The following RYR2 variants were observed in gnomAD, a reference collection of about 807,000 sequenced individuals.
RYR2 encodes cardiac muscle ryanodine receptor-calcium release channel.
A neutral mutation model predicts 601.1 loss-of-function variants in RYR2; 227 were observed. The observed-to-expected ratio is 0.38, with a 90% CI of 0.34 to 0.42. The LOEUF (loss-of-function observed/expected upper bound fraction) is 0.42. RYR2 is among the 10% of genes least tolerant of loss of function. The pLI, the probability that RYR2 is intolerant of heterozygous loss-of-function variation, is 1.00. For synonymous variants in RYR2, 2,223 were observed against 2,175.1 expected (o/e 1.02, Z -0.61); for missense variants, 4,646 against 6,156.5 (o/e 0.75, Z 8.21).
At position 237,435,654 on chromosome 1, in the gene RYR2, T is replaced by C. The variant is rs1217501582; in HGVS notation, c.1006-5665T>C. On this transcript the variant is annotated intron_variant, in intron 12 of 104. Transcript: ENST00000366574. Reference sequence around the variant, plus strand: ...AACGAGAATGAACCCATTGAAGCCTTCTGTGATTAACATATCATAATTTGA... The same window carrying C: ...AACGAGAATGAACCCATTGAAGCCTCCTGTGATTAACATATCATAATTTGA... Among the ~76,000 whole-genome samples the C allele has an allele frequency of 2.0e-5, 3 of 152,340 alleles. No homozygotes were observed. In the South Asian group the frequency reaches 6.2e-4, roughly 32 times the overall value.
intron 48 of RYR2, among the ~76,000 whole-genome samples, chr1:237,648,020 T>G (rs573694808): frequency 4.4e-4 from 67 of 152,336 alleles, no homozygotes; most frequent in African/African-American, 1.5e-3. Flanking sequence ...GACGTGAAAA[T>G]GTAAATATAC....
intron 1 of RYR2, among the ~76,000 whole-genome samples, chr1:237,259,491 G>T (rs1457785012): frequency 6.7e-6 from 1 of 149,348 alleles, no homozygotes; most frequent in African/African-American, 2.5e-5. Flanking sequence ...GGGCAACAGA[G>T]TGAGACTCCA....
At chr1:237,522,607 C>T (rs1482542826) in intron 24 of RYR2, among the ~76,000 whole-genome samples, 2 of 152,206 alleles carry the variant, frequency 1.3e-5, no homozygotes, top group Admixed American at 1.3e-4. Flanking sequence ...GCAGGCATCT[C>T]ACTTGATTTT....
At chr1:237,452,374 TGTAAA>T (rs1198665958) in intron 14 of RYR2, among the ~76,000 whole-genome samples, 1 of 146,502 alleles carries the variant, frequency 6.8e-6, no homozygotes, top group Non-Finnish European at 1.5e-5. Context: ...ACATTATATA[TGTAAA>T]GTATATATTA....
chr1:237,484,069 G>A (rs911306653), intron 17 of RYR2, among the ~76,000 whole-genome samples: 7 of 152,086 alleles, frequency 4.6e-5, no homozygotes, highest in East Asian at 1.9e-4. Flanking sequence ...GCACTCAGCC[G>A]GAGTCTTCCT....
chr1:237,793,301 A>G (rs891902805), intron 94 of RYR2, among the ~76,000 whole-genome samples: 1 of 152,218 alleles, frequency 6.6e-6, no homozygotes, highest in African/African-American at 2.4e-5. Flanking sequence ...TGCCTTGTGT[A>G]AAGTCTGTCC....
At chr1:237,161,229 A>G in intron 1 of RYR2, among the ~76,000 whole-genome samples, 1 of 152,194 alleles carries the variant, frequency 6.6e-6, no homozygotes, top group South Asian at 2.1e-4. Flanking sequence ...ACTTCTTACA[A>G]CAAACAGGAT....
At chr1:237,442,926 C>T (rs6702161) in intron 13 of RYR2, among the ~76,000 whole-genome samples, 6,187 of 152,214 alleles carry the variant, frequency 0.041, 293 homozygotes, top group African/African-American at 0.12. Flanking sequence ...ATTTTAAAAA[C>T]GCACACTTAA....
intron 80 of RYR2, among the ~76,000 whole-genome samples, chr1:237,747,531 G>A (rs1163765635): frequency 2.0e-5 from 3 of 152,092 alleles, no homozygotes; most frequent in Non-Finnish European, 4.4e-5. Flanking sequence ...ATGTTTTAAG[G>A]ATTAATATTA....
At chr1:237,549,935 T>A (rs1670212454) in intron 26 of RYR2, among the ~76,000 whole-genome samples, 6 of 152,324 alleles carry the variant, frequency 3.9e-5, no homozygotes, top group Middle Eastern at 6.8e-3. Context: ...TCTCTCTGTG[T>A]CAACACATTT....
intron 10 of RYR2, among the ~76,000 whole-genome samples, chr1:237,393,862 G>T (rs766261765): frequency 1.3e-5 from 2 of 152,164 alleles, no homozygotes; most frequent in Non-Finnish European, 2.9e-5. Flanking sequence ...GTCTAGAGCC[G>T]CACTCTCAAG....
rs141932898 is a variant in RYR2 at position 237,264,487 on chromosome 1, T to C, written c.49-6010T>C. On this transcript the variant is annotated intron_variant, in intron 1 of 104. Coordinates refer to ENST00000366574, the MANE Select transcript of RYR2 (RefSeq NM_001035.3). ...AAAGATCTCATGTTGAGCTTTGTTT[T>C]TGAACTGCAATGTCCAAAGTGGGCA... 2.2e-3 allele frequency among the ~76,000 whole-genome samples: 342 copies of C among 152,314 alleles called. 1 individual carries two copies. The highest frequency in any genetic ancestry group is 7.4e-3 in the African/African-American group (307 of 41,566).
chr1:237,394,671 T>G (rs1408056266), intron 10 of RYR2, among the ~76,000 whole-genome samples: 1 of 152,234 alleles, frequency 6.6e-6, no homozygotes, highest in African/African-American at 2.4e-5. Flanking sequence ...CTCAATTCTT[T>G]TAATATTTAT....
chr1:237,402,335 T>G (rs1217838900), intron 10 of RYR2, among the ~76,000 whole-genome samples: 1 of 150,604 alleles, frequency 6.6e-6, no homozygotes, highest in Non-Finnish European at 1.5e-5. Flanking sequence ...TGCAGTGAGA[T>G]ATGATTGTGT....
intron 48 of RYR2, among the ~76,000 whole-genome samples, chr1:237,647,135 T>G (rs1400735636): frequency 1.3e-5 from 2 of 152,252 alleles, no homozygotes; most frequent in African/African-American, 4.8e-5. Flanking sequence ...ATATAGATTT[T>G]TAATTGAAAA....
chr1:237,237,112 C>T (rs1685624700), intron 1 of RYR2, among the ~76,000 whole-genome samples: 1 of 152,178 alleles, frequency 6.6e-6, no homozygotes, highest in African/African-American at 2.4e-5. Context: ...ACACCTGCTT[C>T]CCCTTCCACC....
intron 14 of RYR2, among the ~76,000 whole-genome samples, chr1:237,452,290 T>C (rs1658273027): frequency 2.8e-5 from 1 of 36,164 alleles, no homozygotes; most frequent in Non-Finnish European, 9.2e-5. Flanking sequence ...ATAGCATATA[T>C]AATTAATGGC....
At chr1:237,065,998 A>AC (rs1046386412) in intron 1 of RYR2, among the ~76,000 whole-genome samples, 2 of 152,056 alleles carry the variant, frequency 1.3e-5, no homozygotes, top group South Asian at 2.1e-4. Flanking sequence ...TGCTCCAGTC[A>AC]CCCCCAACCA....
intron 4 of RYR2, 100 bp downstream of exon 4, chr1:237,356,085 A>G: frequency 3.9e-6 from 4 of 1,035,980 alleles, no homozygotes; most frequent in South Asian, 1.4e-5. Flanking sequence ...GGCTTGTACT[A>G]TTAGTGTTCA....
Sources: allele counts gnomAD v4.1 joint callset (sites outside exome capture counted in the v4.1 genomes callset), GRCh38; gene constraint gnomAD v4.1.1; transcripts MANE v1.5; gene names NCBI Gene and HGNC (gene_info 2026-07-23, HGNC 2026-07-21).